The following HNF1B variants were observed in gnomAD, a reference collection of about 807,000 sequenced individuals.
HNF1B encodes the protein HNF1 homeobox B, also known as hepatocyte nuclear factor 1-beta.
A neutral mutation model predicts 61.7 loss-of-function variants in HNF1B; 8 were observed. The observed-to-expected ratio is 0.13, with a 90% CI of 0.08 to 0.23. The LOEUF (loss-of-function observed/expected upper bound fraction) is 0.23, where lower values mean the gene tolerates loss of function less well. Among genes scored for constraint, HNF1B ranks in the 10% least tolerant of loss-of-function variants. HNF1B has a pLI of 1.00. For missense variants in HNF1B, 562 were observed against 714.5 expected (o/e 0.79, Z 2.43); for synonymous variants, 314 against 287.7 (o/e 1.09, Z -0.93).
intron 5 of HNF1B, among the ~76,000 whole-genome samples, chr17:37,709,386 A>T (rs911654455): frequency 3.3e-5 from 5 of 151,822 alleles, no homozygotes; most frequent in African/African-American, 1.2e-4. Flanking sequence ...AGTAGCTGGG[A>T]TTACAGGTGC....
At chr17:37,688,380 AACACACACACACACACAC>A (rs5820230) in intron 8 of HNF1B, among the ~76,000 whole-genome samples, 1 of 136,104 alleles carries the variant, frequency 7.3e-6, no homozygotes, top group Non-Finnish European at 1.6e-5. Context: ...GATCCCCCCA[AACACACACACACACACAC>A]ACACACACAC....
rs116886918 is a variant in HNF1B, at chr17:37,744,256, C to G, written c.344+285G>C. Among the ~76,000 whole-genome samples, 92 of 152,352 alleles carry G rather than the reference C, an allele frequency of 6.0e-4. 1 individual carries two copies. In the East Asian group the frequency reaches 0.012, roughly 20 times the overall value. Reference sequence around the variant, plus strand: ...TGGGCAAACCTCCCGGCAAAGGGCTCCACAGCTCCAGTTCTCCCCGGCCCA... The same window carrying G: ...TGGGCAAACCTCCCGGCAAAGGGCTGCACAGCTCCAGTTCTCCCCGGCCCA... On this transcript the variant is annotated intron_variant, in intron 1 of 8. Transcript: ENST00000617811.
rs1357937176 is a variant in HNF1B, at chr17:37,710,573, G to A, written c.1136C>T (p.Ser379Leu). ...GGCTGGGGAGACTTGCTGTAAAACC[G>A]ACTGGCTGGTCACCATGGCGCTGTT... Reference protein sequence around the residue: ...HGNSAMVTSQSVLQQVSPASL... With the variant: ...HGNSAMVTSQLVLQQVSPASL... Residue 379 changes from serine to leucine, a missense_variant, in exon 5 of 9, where the codon TCG becomes TTG. Physicochemically the swap from Ser to Leu is moderately radical, Grantham distance 145. Around this residue, in one of 6 missense-constraint regions of HNF1B, gnomAD observed 211 missense variants for 200.7 expected, o/e 1.05. Transcript: ENST00000617811. The A allele has an allele frequency of 5.6e-6, 9 of 1,614,046 alleles. No homozygotes were observed. In the South Asian group the frequency reaches 6.6e-5, roughly 12 times the overall value.
chr17:37,728,037 T>TTGGAG (rs920484623), intron 4 of HNF1B, among the ~76,000 whole-genome samples: 20 of 151,946 alleles, frequency 1.3e-4, no homozygotes, highest in African/African-American at 3.4e-4. Context: ...GTTGCTCAGG[T>TTGGAG]TGGAGTGGAG....
chr17:37,700,329 G>A (rs2032523175), intron 7 of HNF1B, among the ~76,000 whole-genome samples: 1 of 152,206 alleles, frequency 6.6e-6, no homozygotes, highest in South Asian at 2.1e-4. Context: ...GGAAATAAGT[G>A]GTCGAAAGGT....
intron 8 of HNF1B, among the ~76,000 whole-genome samples, chr17:37,693,769 G>A (rs3110632): frequency 0.014 from 2,201 of 152,326 alleles, 50 homozygotes; most frequent in African/African-American, 0.051. Flanking sequence ...GGCCTGGTGG[G>A]AGATATTGGA....
chr17:37,743,950 C>T (rs897053392), intron 1 of HNF1B, among the ~76,000 whole-genome samples: 7 of 152,248 alleles, frequency 4.6e-5, no homozygotes, highest in Admixed American at 1.3e-4. Context: ...TCTAAACCCG[C>T]GTTGGGGATC....
chr17:37,714,681 G>C (rs2033046239), intron 4 of HNF1B, among the ~76,000 whole-genome samples: 1 of 152,154 alleles, frequency 6.6e-6, no homozygotes, highest in African/African-American at 2.4e-5. Context: ...CATGGGTGTT[G>C]GGCTATTCCT....
intron 1 of HNF1B, among the ~76,000 whole-genome samples, 160 bp downstream of exon 1, chr17:37,744,381 G>A (rs1377944084): frequency 6.6e-6 from 1 of 152,240 alleles, no homozygotes; most frequent in Non-Finnish European, 1.5e-5. Context: ...CTAAGGGATT[G>A]GGAAGGGTCC....
At chr17:37,691,211 C>T (rs968415239) in intron 8 of HNF1B, among the ~76,000 whole-genome samples, 28 of 152,246 alleles carry the variant, frequency 1.8e-4, no homozygotes, top group African/African-American at 6.7e-4. Flanking sequence ...GGATAAAGGC[C>T]AGTCTGCAGT....
intron 1 of HNF1B, among the ~76,000 whole-genome samples, chr17:37,742,140 C>A (rs1202852240): frequency 6.6e-6 from 1 of 152,224 alleles, no homozygotes; most frequent in African/African-American, 2.4e-5. Flanking sequence ...CCGTCCCGCA[C>A]GCTCCTTCTC....
intron 5 of HNF1B, among the ~76,000 whole-genome samples, chr17:37,706,572 TCAAGAAATGTTAGGGGGTCACATGAC>T (rs1307522446): frequency 1.3e-5 from 2 of 149,978 alleles, no homozygotes; most frequent in Non-Finnish European, 3.0e-5. Context: ...AAAATAAGCA[TCAAGAAATGTTAGGGGGTCACATGAC>T]CAAGAAGGAA....
At chr17:37,734,178 A>G (rs745947262) in intron 2 of HNF1B, among the ~76,000 whole-genome samples, 4 of 152,218 alleles carry the variant, frequency 2.6e-5, no homozygotes, top group Non-Finnish European at 5.9e-5. Context: ...GGTGAGCTCA[A>G]TCAAGTCTCA....
chr17:37,725,600 G>A (rs55745329), intron 4 of HNF1B, among the ~76,000 whole-genome samples: 12,299 of 152,238 alleles, frequency 0.081, 738 homozygotes, highest in Admixed American at 0.16. Context: ...ACCCATGTCC[G>A]CCACTAAACC....
chr17:37,727,216 C>T (rs1297812293), intron 4 of HNF1B, among the ~76,000 whole-genome samples: 1 of 152,192 alleles, frequency 6.6e-6, no homozygotes, highest in Non-Finnish European at 1.5e-5. Flanking sequence ...TGATTCATCT[C>T]CAGAAGGGAG....
At chr17:37,710,086 G>C (rs1184752605) in intron 5 of HNF1B, among the ~76,000 whole-genome samples, 1 of 152,218 alleles carries the variant, frequency 6.6e-6, no homozygotes, top group African/African-American at 2.4e-5. Context: ...TCAGTACCAA[G>C]GGGATGGTAA....
At chr17:37,702,846 C>A (rs745956794) in intron 6 of HNF1B, among the ~76,000 whole-genome samples, 1 of 152,310 alleles carries the variant, frequency 6.6e-6, no homozygotes, top group Non-Finnish European at 1.5e-5. Flanking sequence ...TCCTGATGTG[C>A]CTCAATTCCA....
At chr17:37,695,807 T>C (rs1362859701) in intron 8 of HNF1B, among the ~76,000 whole-genome samples, 1 of 152,226 alleles carries the variant, frequency 6.6e-6, no homozygotes, top group East Asian at 1.9e-4. Flanking sequence ...TGTACCACCA[T>C]TGTATTTTGG....
At chr17:37,735,330 A>G (rs1028565598) in intron 2 of HNF1B, among the ~76,000 whole-genome samples, 1 of 152,160 alleles carries the variant, frequency 6.6e-6, no homozygotes, top group East Asian at 1.9e-4. Context: ...GCAGCAGGGA[A>G]CTTACCACCT....
Sources: allele counts gnomAD v4.1 joint callset (sites outside exome capture counted in the v4.1 genomes callset), GRCh38; gene constraint gnomAD v4.1.1; regional missense constraint gnomAD v4.1.1; transcripts MANE v1.5; gene names NCBI Gene and HGNC (gene_info 2026-07-23, HGNC 2026-07-21).